The following RPH3A variants were observed in gnomAD, a reference collection of about 807,000 sequenced individuals.
The protein encoded by RPH3A is rabphilin-3A.
Under a neutral mutation model 102.2 loss-of-function variants are expected in RPH3A, and 48 were observed. That is an observed-to-expected ratio of 0.47 (90% CI 0.37 to 0.60). The LOEUF is 0.60. RPH3A is among the 20% of genes least tolerant of loss of function. RPH3A has a pLI of 0.00. For missense variants in RPH3A, 781 were observed against 910.1 expected, an observed-to-expected ratio of 0.86 and a Z score of 1.83; for synonymous variants, 310 against 324.3, an observed-to-expected ratio of 0.96 and a Z score of 0.47.
intron 7 of RPH3A, among the ~76,000 whole-genome samples, chr12:112,867,561 C>A (rs1295812528): frequency 6.6e-6 from 1 of 152,144 alleles, no homozygotes; most frequent in Non-Finnish European, 1.5e-5. Flanking sequence ...GAGGAATCAG[C>A]AAGGGTTGGC....
At chr12:112,642,991 G>C (rs1163946309) in intron 1 of RPH3A, among the ~76,000 whole-genome samples, 1 of 152,136 alleles carries the variant, frequency 6.6e-6, no homozygotes, top group Non-Finnish European at 1.5e-5. Flanking sequence ...TACAATGCAC[G>C]GGACAGCACC....
intron 1 of RPH3A, among the ~76,000 whole-genome samples, chr12:112,621,637 G>T: frequency 6.6e-6 from 1 of 151,404 alleles, no homozygotes; most frequent in Non-Finnish European, 1.5e-5. Flanking sequence ...GGGGAGGGGC[G>T]CCCGCCATTG....
intron 1 of RPH3A, among the ~76,000 whole-genome samples, chr12:112,776,023 C>A (rs11066410): frequency 0.064 from 9,750 of 152,114 alleles, 383 homozygotes; most frequent in Admixed American, 0.13. Flanking sequence ...GAGTCAGGTA[C>A]TGTGCTGGGT....
chr12:112,858,186 G>T (rs886375319), intron 5 of RPH3A, among the ~76,000 whole-genome samples: 3 of 137,306 alleles, frequency 2.2e-5, no homozygotes, highest in African/African-American at 8.1e-5. Flanking sequence ...AAGTTTGCTT[G>T]AGCCCAGGAG....
chr12:112,685,415 ACTGTGGCTGCT>A (rs2040256478), intron 1 of RPH3A, among the ~76,000 whole-genome samples: 1 of 152,198 alleles, frequency 6.6e-6, no homozygotes, highest in Admixed American at 6.5e-5. Flanking sequence ...AGTCTCAGCC[ACTGTGGCTGCT>A]GTTGCTGTTG....
At chr12:112,737,446 CATTATT>C (rs934614997) in intron 1 of RPH3A, among the ~76,000 whole-genome samples, 2 of 152,070 alleles carry the variant, frequency 1.3e-5, no homozygotes, top group Admixed American at 1.3e-4. Context: ...CTATCACCAT[CATTATT>C]ATTATTATTT....
In RPH3A at chr12:112,863,083, C is replaced by T. The variant is rs930376828; in HGVS notation, c.231-2331C>T. Among the ~76,000 whole-genome samples the T allele has an allele frequency of 2.0e-5, 3 of 151,924 alleles. No homozygotes were observed. The South Asian group carries it at 6.2e-4, about 31-fold the overall frequency. ...TTCAAGCTGGTGGGAAGTGACCCCCCCAAAAAAAAACCCGAAGTGGAAACA... is the reference window on the plus strand; with the variant it reads ...TTCAAGCTGGTGGGAAGTGACCCCCTCAAAAAAAAACCCGAAGTGGAAACA... On this transcript the variant is annotated intron_variant, in intron 5 of 21. Transcript: ENST00000389385.
intron 1 of RPH3A, among the ~76,000 whole-genome samples, chr12:112,620,781 T>G (rs1476915027): frequency 6.6e-6 from 1 of 152,130 alleles, no homozygotes; most frequent in Admixed American, 6.6e-5. Context: ...TTCCCATTGC[T>G]CAGACCCCAA....
chr12:112,757,545 T>C (rs565832134), intron 1 of RPH3A, among the ~76,000 whole-genome samples: 2 of 152,310 alleles, frequency 1.3e-5, no homozygotes, highest in South Asian at 4.1e-4. Context: ...CATTACACGT[T>C]GTATACATGT....
intron 1 of RPH3A, among the ~76,000 whole-genome samples, chr12:112,769,223 G>T (rs1326514220): frequency 6.6e-6 from 1 of 152,212 alleles, no homozygotes; most frequent in African/African-American, 2.4e-5. Context: ...TTCTCTTGCA[G>T]ATTTTAACTT....
chr12:112,855,878 T>C (rs1385643849), intron 5 of RPH3A, among the ~76,000 whole-genome samples: 1 of 151,740 alleles, frequency 6.6e-6, no homozygotes, highest in Non-Finnish European at 1.5e-5. Flanking sequence ...TGGTGTGTGG[T>C]GTGTGTGTGT....
chr12:112,809,744 C>A (rs1358921024), intron 2 of RPH3A, among the ~76,000 whole-genome samples: 1 of 152,138 alleles, frequency 6.6e-6, no homozygotes, highest in East Asian at 1.9e-4. Flanking sequence ...GGGACAGAGC[C>A]AGGACTAGCC....
At position 112,713,023 on chromosome 12, in the gene RPH3A, C is replaced by CTCTTCCTCTTCCTCTTCT. The variant is rs1473414104; in HGVS notation, c.-139-79115_-139-79114insCTCTTCCTCTTCTTCTTC. On this transcript the variant is annotated intron_variant, in intron 1 of 21. Coordinates refer to the RPH3A transcript ENST00000543106. Reference sequence around the variant, plus strand: ...CCTCTTCCTCTTCCTCTTCCTCTTCCTCTTCTTCTTCTTCTTCTTCTTCTT... The same window carrying CTCTTCCTCTTCCTCTTCT: ...CCTCTTCCTCTTCCTCTTCCTCTTCCTCTTCCTCTTCCTCTTCTTCTTCTTCTTCTTCTTCTTCTTCTT... Among the ~76,000 whole-genome samples the CTCTTCCTCTTCCTCTTCT allele has an allele frequency of 2.7e-4, 14 of 52,798 alleles. 3 individuals are homozygous for CTCTTCCTCTTCCTCTTCT. The highest frequency in any genetic ancestry group is 8.5e-3 in the Middle Eastern group (1 of 118). The allele number at this position is 52,798 out of a possible 152,430, so 34.6% of individuals were successfully genotyped here. A position where few individuals can be genotyped will look rare whatever the true frequency, so the allele number is the denominator to read the frequency against.
chr12:112,875,818 C>A, intron 12 of RPH3A, 77 bp downstream of exon 12: 1 of 1,357,956 alleles, frequency 7.4e-7, no homozygotes, highest in Non-Finnish European at 1.0e-6. Context: ...CAGGCAGCTG[C>A]CAGAACGTGA....
chr12:112,877,212 T>C (rs781153258), intron 13 of RPH3A, among the ~76,000 whole-genome samples: 13 of 152,194 alleles, frequency 8.5e-5, no homozygotes, highest in Non-Finnish European at 1.9e-4. Flanking sequence ...AGAATTATTA[T>C]ATGACTCAGC....
At position 112,629,248 on chromosome 12, in the gene RPH3A, C is replaced by T. The variant is rs374300143; in HGVS notation, c.-140+53929C>T. On this transcript the variant is annotated intron_variant, in intron 1 of 21. Transcript: ENST00000543106. ...GGCTCACAGAGCTCAGATAGGGTAT[C>T]GCCCTGTGATGAGATAGTTACTTTT... Among the ~76,000 whole-genome samples the T allele has an allele frequency of 2.6e-5, 4 of 152,046 alleles. No homozygotes were observed. In the East Asian group the frequency reaches 5.8e-4, roughly 22 times the overall value.
intron 2 of RPH3A, among the ~76,000 whole-genome samples, chr12:112,793,153 A>G (rs1163807709): frequency 6.6e-6 from 1 of 152,144 alleles, no homozygotes; most frequent in Non-Finnish European, 1.5e-5. Flanking sequence ...GGCTGCACCA[A>G]CCTGTTAGTG....
intron 1 of RPH3A, among the ~76,000 whole-genome samples, chr12:112,603,799 T>C (rs1156389826): frequency 6.6e-6 from 1 of 152,184 alleles, no homozygotes; most frequent in Non-Finnish European, 1.5e-5. Context: ...AGTCTCATTT[T>C]TCTTCGCCCT....
intron 2 of RPH3A, among the ~76,000 whole-genome samples, chr12:112,803,754 T>C (rs1307822104): frequency 2.0e-5 from 3 of 152,170 alleles, no homozygotes; most frequent in African/African-American, 7.2e-5. Flanking sequence ...CAATAAAGGA[T>C]TGGACACACT....
Sources: allele counts gnomAD v4.1 joint callset (sites outside exome capture counted in the v4.1 genomes callset), GRCh38; gene constraint gnomAD v4.1.1; transcripts MANE v1.5; gene names NCBI Gene and HGNC (gene_info 2026-07-23, HGNC 2026-07-21).